The following NAV2 variants were observed in gnomAD, a reference collection of about 807,000 sequenced individuals.
NAV2 encodes the protein helicase, APC down-regulated 1.
Under a neutral mutation model 223.2 loss-of-function variants are expected in NAV2, and 54 were observed. The observed-to-expected ratio is 0.24, with a 90% CI of 0.19 to 0.30. The LOEUF (loss-of-function observed/expected upper bound fraction) is 0.30, where lower values mean the gene tolerates loss of function less well. NAV2 is among the 10% of genes least tolerant of loss of function. The pLI, the probability that NAV2 is intolerant of heterozygous loss-of-function variation, is 1.00. For synonymous variants in NAV2, 1,279 were observed against 1,239.3 expected, an observed-to-expected ratio of 1.03 and a Z score of -0.67; for missense variants, 2,806 against 3,147.5, an observed-to-expected ratio of 0.89 and a Z score of 2.60.
chr11:19,575,881 C>T (rs1590578430), intron 1 of NAV2, among the ~76,000 whole-genome samples: 1 of 152,198 alleles, frequency 6.6e-6, no homozygotes, highest in African/African-American at 2.4e-5. Flanking sequence ...CAGCTGTGGA[C>T]AAGGTGTGTT....
chr11:20,115,464 C>G (rs149668242), intron 37 of NAV2, among the ~76,000 whole-genome samples: 1 of 151,908 alleles, frequency 6.6e-6, no homozygotes, highest in Admixed American at 6.5e-5. Flanking sequence ...AACACCGTCT[C>G]TACTAAAAAT....
At chr11:19,822,555 C>G (rs1301268634) in intron 1 of NAV2, among the ~76,000 whole-genome samples, 1 of 152,094 alleles carries the variant, frequency 6.6e-6, no homozygotes, top group African/African-American at 2.4e-5. Flanking sequence ...GAAGCTGTGC[C>G]ACTCTTGCTG....
At chr11:19,757,612 T>G (rs1000666857) in intron 1 of NAV2, among the ~76,000 whole-genome samples, 4 of 152,064 alleles carry the variant, frequency 2.6e-5, no homozygotes, top group Non-Finnish European at 5.9e-5. Flanking sequence ...ACTAAGAGGA[T>G]TTCTGGGAAA....
At chr11:19,478,130 C>T (rs978318840) in intron 1 of NAV2, among the ~76,000 whole-genome samples, 1 of 152,108 alleles carries the variant, frequency 6.6e-6, no homozygotes, top group African/African-American at 2.4e-5. Context: ...AGAAAATGGT[C>T]AGGGTCAATT....
intron 1 of NAV2, among the ~76,000 whole-genome samples, chr11:19,767,535 A>G (rs1804138375): frequency 6.6e-6 from 1 of 152,266 alleles, no homozygotes; most frequent in African/African-American, 2.4e-5. Flanking sequence ...TGCTCTAGCC[A>G]TGTATAACTT....
In NAV2 at chr11:19,998,647, G is replaced by C. The variant is rs2052200036; in HGVS notation, c.2768+14400G>C. Among the ~76,000 whole-genome samples, 1 of 151,990 alleles carries C rather than the reference G, an allele frequency of 6.6e-6. No homozygotes were observed. ...TTCATCCATTCCCCTGGACGTGCCG[G>C]ATCTTCTCTTTCGTCAGAAGCTTTG... is the stretch of plus-strand genomic sequence containing the variant. On this transcript the variant is annotated intron_variant, in intron 11 of 37. Transcript: ENST00000349880. This position sits in a 1 kb window ranked among gnomAD's most constrained non-coding sequence, Gnocchi z 5.0.
chr11:19,645,447 T>C (rs1300422011), intron 1 of NAV2, among the ~76,000 whole-genome samples: 1 of 152,166 alleles, frequency 6.6e-6, no homozygotes, highest in African/African-American at 2.4e-5. Flanking sequence ...ATTTATGGGA[T>C]TCAGACGTGA....
chr11:19,390,370 A>G (rs1849200340), intron 1 of NAV2, among the ~76,000 whole-genome samples: 1 of 152,150 alleles, frequency 6.6e-6, no homozygotes, highest in South Asian at 2.1e-4. Flanking sequence ...TGACTCCCAG[A>G]TCTGCCCTGA....
chr11:19,602,209 G>T lies in NAV2; in HGVS notation c.76-230275G>T, dbSNP rs1449650696. 4.5e-5 allele frequency among the ~76,000 whole-genome samples: 6 copies of T among 133,894 alleles called. No individual in the cohort carries two copies. In the South Asian group the frequency reaches 1.4e-3, roughly 30 times the overall value. The allele number at this position is 133,894 out of a possible 152,430, so 87.8% of individuals were successfully genotyped here. On this transcript the variant is annotated intron_variant, in intron 1 of 37. Coordinates refer to the NAV2 transcript ENST00000360655. ...TTTTTTTTTTTTGAGATGGAGTCTC[G>T]CTCTGTTGCCCAGGCTGGAATGCAG...
At chr11:19,351,066 G>A (rs1463017955) in intron 1 of NAV2, 1 of 1,221,356 alleles carries the variant, frequency 8.2e-7, no homozygotes, top group Non-Finnish European at 1.1e-6. Context: ...GGATTATGGT[G>A]CTGATTGCTA....
chr11:19,768,152 C>T (rs574287180), intron 1 of NAV2, among the ~76,000 whole-genome samples: 49 of 152,354 alleles, frequency 3.2e-4, no homozygotes, highest in African/African-American at 1.0e-3. Context: ...GCGTCCTGCA[C>T]GCACGTTGAG....
intron 11 of NAV2, among the ~76,000 whole-genome samples, chr11:20,011,562 G>GA (rs1224583240): frequency 1.3e-5 from 2 of 152,206 alleles, no homozygotes; most frequent in African/African-American, 4.8e-5. Context: ...TACAGGTGAT[G>GA]AAACAGACAC....
intron 1 of NAV2, among the ~76,000 whole-genome samples, chr11:19,367,941 C>T (rs775213891): frequency 6.6e-6 from 1 of 152,164 alleles, no homozygotes; most frequent in Non-Finnish European, 1.5e-5. Flanking sequence ...TGCATTCCTC[C>T]TTCCATTAGG....
chr11:19,969,435 G>A (rs1379217584), intron 10 of NAV2, among the ~76,000 whole-genome samples: 2 of 152,076 alleles, frequency 1.3e-5, no homozygotes, highest in African/African-American at 2.4e-5. Flanking sequence ...CAGATGCAAG[G>A]ATGCATCTTA....
At chr11:19,889,058 G>C (rs1429584026) in intron 5 of NAV2, among the ~76,000 whole-genome samples, 1 of 152,156 alleles carries the variant, frequency 6.6e-6, no homozygotes, top group Non-Finnish European at 1.5e-5. Context: ...TCCCAGGTTT[G>C]CTTGGGTGTC....
chr11:19,827,592 G>GGCTGCATTCTTCCACACAC (rs1459280736), intron 1 of NAV2, among the ~76,000 whole-genome samples: 1 of 152,198 alleles, frequency 6.6e-6, no homozygotes, highest in East Asian at 1.9e-4. Flanking sequence ...AGATTCCAAA[G>GGCTGCATTCTTCCACACAC]GCTGCATTCT....
intron 1 of NAV2, among the ~76,000 whole-genome samples, chr11:19,466,719 C>T (rs1247696380): frequency 3.9e-5 from 6 of 152,134 alleles, no homozygotes; most frequent in African/African-American, 7.2e-5. Flanking sequence ...GTCATGGACA[C>T]ATGCAAGGAG....
At chr11:19,941,587 G>A (rs753066028) in intron 8 of NAV2, among the ~76,000 whole-genome samples, 1 of 151,886 alleles carries the variant, frequency 6.6e-6, no homozygotes, top group Non-Finnish European at 1.5e-5. Context: ...TATGCAAATG[G>A]GTGGGTTTTC....
Position 20,048,847 on chromosome 11 carries a change from C to T in NAV2, c.4022C>T (p.Pro1341Leu), listed in dbSNP as rs771679617. 26 of 1,614,148 alleles carry T rather than the reference C, an allele frequency of 1.6e-5. No homozygotes were observed. Among genetic ancestry groups the T allele is most frequent in the South Asian group, 2.2e-5 (2 of 91,076 alleles). Residue 1341 changes from proline to leucine, a missense_variant, in exon 15 of 38, where the codon CCG becomes CTG. Coordinates refer to ENST00000349880, the MANE Select transcript of NAV2 (RefSeq NM_145117.5). ...ACTCAGCAAGGTAACCTAGACTCCC[C>T]GTCAGGCAGTGGCGTCCTGAGCAGT... is the stretch of plus-strand genomic sequence containing the variant. ...TMTQQGNLDS[P>L]SGSGVLSSGS...
Sources: gnomAD v4.1 joint callset for allele counts (sites outside exome capture counted in the v4.1 genomes callset) on GRCh38, gnomAD v4.1.1 for gene constraint, Gnocchi (gnomAD v3.1) non-coding constraint, MANE v1.5 for transcripts, NCBI Gene and HGNC (gene_info 2026-07-23, HGNC 2026-07-21) for gene names.